Variants in CCDC6 observed in about 807,000 individuals in gnomAD.
The protein encoded by CCDC6 is coiled-coil domain containing 6.
Under a neutral mutation model 56.6 loss-of-function variants are expected in CCDC6, and 20 were observed. The ratio of observed to expected loss-of-function variants is 0.35; its 90% confidence interval spans 0.25 to 0.51. The LOEUF is 0.51. Ranked by LOEUF, CCDC6 falls within the 20% of genes least tolerant of loss-of-function variation. CCDC6 has a pLI of 0.95. For missense variants in CCDC6, 367 were observed against 601.1 expected, an observed-to-expected ratio of 0.61 and a Z score of 4.07; for synonymous variants, 241 against 234.4, an observed-to-expected ratio of 1.03 and a Z score of -0.26.
rs139856343 is a variant in CCDC6 at position 59,871,777 on chromosome 10, T to G, written c.304-19075A>C. ...ATGGCACAGCACACATCCTGCCTTGTGAGGGGGCAGGGGATCCACGCTGCT... is the reference window on the plus strand; with the variant it reads ...ATGGCACAGCACACATCCTGCCTTGGGAGGGGGCAGGGGATCCACGCTGCT... On this transcript the variant is annotated intron_variant, in intron 1 of 8. Coordinates refer to ENST00000263102, the MANE Select transcript of CCDC6 (RefSeq NM_005436.5). Among the ~76,000 whole-genome samples, 266 of 152,210 alleles carry G rather than the reference T, an allele frequency of 1.7e-3. 1 individual carries two copies. The highest frequency in any genetic ancestry group is 2.9e-3 in the Non-Finnish European group (198 of 68,010).
intron 1 of CCDC6, among the ~76,000 whole-genome samples, chr10:59,858,492 T>C (rs530100091): frequency 1.3e-5 from 2 of 152,220 alleles, no homozygotes; most frequent in East Asian, 3.9e-4. Flanking sequence ...AGAGAGAAAA[T>C]AGCACCAAAG....
chr10:59,862,552 C>T (rs556213939), intron 1 of CCDC6, among the ~76,000 whole-genome samples: 1,885 of 80,868 alleles, frequency 0.023, 144 homozygotes, highest in African/African-American at 0.064. Context: ...CACACACACA[C>T]ACACATATAT....
intron 3 of CCDC6, among the ~76,000 whole-genome samples, chr10:59,820,477 G>C (rs1162829605): frequency 6.6e-6 from 1 of 152,086 alleles, no homozygotes; most frequent in African/African-American, 2.4e-5. Context: ...ACTAATCCAG[G>C]CGTAATAAAG....
intron 1 of CCDC6, among the ~76,000 whole-genome samples, chr10:59,878,315 A>T (rs1197581700): frequency 6.6e-6 from 1 of 152,188 alleles, no homozygotes; most frequent in East Asian, 1.9e-4. Flanking sequence ...AAATGTCTGC[A>T]TTTCCAGCTC....
At chr10:59,820,397 T>G (rs972694738) in intron 3 of CCDC6, among the ~76,000 whole-genome samples, 7 of 152,360 alleles carry the variant, frequency 4.6e-5, no homozygotes, top group African/African-American at 1.7e-4. Flanking sequence ...TGGGAAAATC[T>G]GTTTTGAAAC....
chr10:59,894,172 C>T (rs1258135025), intron 1 of CCDC6, among the ~76,000 whole-genome samples: 2 of 152,240 alleles, frequency 1.3e-5, no homozygotes, highest in Non-Finnish European at 2.9e-5. Context: ...AATGTCTGCA[C>T]TGAGTAGCCA....
intron 3 of CCDC6, among the ~76,000 whole-genome samples, chr10:59,830,030 T>C (rs952419350): frequency 6.6e-6 from 1 of 152,220 alleles, no homozygotes; most frequent in African/African-American, 2.4e-5. Context: ...CTGCGCTGCC[T>C]TCTGAAATAC....
chr10:59,806,672 C>A (rs574348786), intron 6 of CCDC6: 120 of 424,308 alleles, frequency 2.8e-4, no homozygotes, highest in African/African-American at 2.2e-3. Flanking sequence ...TCTAATATAA[C>A]CCTGTCTCCA....
At chr10:59,814,298 G>A (rs1465402327) in intron 4 of CCDC6, among the ~76,000 whole-genome samples, 1 of 152,130 alleles carries the variant, frequency 6.6e-6, no homozygotes, top group East Asian at 1.9e-4. Flanking sequence ...TATACCCTAT[G>A]TACTTTACAA....
intron 1 of CCDC6, among the ~76,000 whole-genome samples, chr10:59,888,409 A>T (rs376407833): frequency 6.6e-6 from 1 of 152,338 alleles, no homozygotes; most frequent in African/African-American, 2.4e-5. Flanking sequence ...CTGCTTCGTC[A>T]TGGGGGCTGG....
At chr10:59,814,599 A>AACACACACACACACACACACACACACAC in intron 4 of CCDC6, 53 bp downstream of exon 4, 1 of 927,204 alleles carries the variant, frequency 1.1e-6, no homozygotes. Flanking sequence ...CCAGAGCAGC[A>AACACACACACACACACACACACACACAC]ACACACACAC....
chr10:59,896,023 A>G (rs569827850), intron 1 of CCDC6, among the ~76,000 whole-genome samples: 1 of 152,312 alleles, frequency 6.6e-6, no homozygotes. Context: ...TGTTGCCAGG[A>G]AAGTAATGTT....
intron 1 of CCDC6, among the ~76,000 whole-genome samples, chr10:59,897,290 G>A (rs188160029): frequency 6.6e-6 from 1 of 150,810 alleles, no homozygotes; most frequent in Non-Finnish European, 1.5e-5. Flanking sequence ...TTTCACTCCT[G>A]TTGCCCAGGC....
chr10:59,879,358 A>G (rs954518691), intron 1 of CCDC6, among the ~76,000 whole-genome samples: 2 of 152,232 alleles, frequency 1.3e-5, no homozygotes, highest in Admixed American at 1.3e-4. Flanking sequence ...ATGAAAAATA[A>G]GAGTCTAGAA....
chr10:59,905,834 C>T (rs1187619515), intron 1 of CCDC6, among the ~76,000 whole-genome samples: 1 of 152,200 alleles, frequency 6.6e-6, no homozygotes, highest in Non-Finnish European at 1.5e-5. Context: ...CCAGCCCAGC[C>T]CCGGAGGGGC....
intron 1 of CCDC6, among the ~76,000 whole-genome samples, chr10:59,876,610 G>C (rs1296846096): frequency 8.4e-6 from 1 of 118,502 alleles, no homozygotes; most frequent in Admixed American, 8.5e-5. Flanking sequence ...AAAAAAAAAA[G>C]CTATCCAAAA....
chr10:59,857,482 C>CA (rs1237022210), intron 1 of CCDC6, among the ~76,000 whole-genome samples: 2 of 152,208 alleles, frequency 1.3e-5, no homozygotes, highest in African/African-American at 4.8e-5. Context: ...TTCACAATAG[C>CA]ACTCAACCAC....
At chr10:59,833,513 T>C (rs1017076740) in intron 2 of CCDC6, among the ~76,000 whole-genome samples, 1 of 151,780 alleles carries the variant, frequency 6.6e-6, no homozygotes, top group Non-Finnish European at 1.5e-5. Flanking sequence ...AGAGAAAATT[T>C]AAAAACAAAA....
chr10:59,901,979 C>T (rs767831486), intron 1 of CCDC6, among the ~76,000 whole-genome samples: 179 of 152,296 alleles, frequency 1.2e-3, no homozygotes, highest in Non-Finnish European at 2.2e-3. Context: ...AATCAGTAGC[C>T]TGATTCCCCT....
Sources: allele counts gnomAD v4.1 joint callset (sites outside exome capture counted in the v4.1 genomes callset), GRCh38; gene constraint gnomAD v4.1.1; transcripts MANE v1.5; gene names NCBI Gene and HGNC (gene_info 2026-07-23, HGNC 2026-07-21).